FHIT: variants seen among roughly 807,000 people sequenced by gnomAD.
FHIT encodes bis(5'-adenosyl)-triphosphatase.
In FHIT, 19 loss-of-function variants were observed where a neutral mutation model predicts 17.9. The observed-to-expected ratio is 1.06, with a 90% confidence interval of 0.74 to 1.56. The LOEUF (loss-of-function observed/expected upper bound fraction) is 1.56, where lower values mean the gene tolerates loss of function less well. Among genes scored for constraint, FHIT ranks in the 40% most tolerant of loss-of-function variants. The pLI is 0.00. For missense variants in FHIT, 248 were observed against 189.2 expected, an observed-to-expected ratio of 1.31 and a Z score of -1.82; for synonymous variants, 81 against 69.7, an observed-to-expected ratio of 1.16 and a Z score of -0.81.
intron 4 of FHIT, among the ~76,000 whole-genome samples, chr3:60,731,038 G>A (rs182226728): frequency 1.3e-5 from 2 of 152,182 alleles, no homozygotes; most frequent in African/African-American, 2.4e-5. Flanking sequence ...GGCTGAGGCA[G>A]GAGAATTGCT....
At chr3:61,008,111 C>A (rs959638029) in intron 3 of FHIT, among the ~76,000 whole-genome samples, 1 of 152,230 alleles carries the variant, frequency 6.6e-6, no homozygotes, top group Non-Finnish European at 1.5e-5. Flanking sequence ...CACCTGCACA[C>A]CCATCTCCAG....
At chr3:60,812,274 T>A (rs782284423) in intron 4 of FHIT, among the ~76,000 whole-genome samples, 19 of 151,868 alleles carry the variant, frequency 1.3e-4, no homozygotes, top group Non-Finnish European at 2.6e-4. Flanking sequence ...GTGATTCTTT[T>A]GCCTCAGCCT....
chr3:61,092,178 G>A (rs2035507164), intron 2 of FHIT, among the ~76,000 whole-genome samples: 1 of 151,946 alleles, frequency 6.6e-6, no homozygotes, highest in Non-Finnish European at 1.5e-5. Context: ...CTTGGCCTGG[G>A]GAAGGCAAGG....
chr3:60,386,334 C>T (rs1052869721), intron 5 of FHIT, among the ~76,000 whole-genome samples: 3 of 152,116 alleles, frequency 2.0e-5, no homozygotes, highest in Non-Finnish European at 4.4e-5. Flanking sequence ...AATTACCTTT[C>T]CGGCAGCACA....
chr3:60,901,972 C>T (rs540641332), intron 3 of FHIT, among the ~76,000 whole-genome samples: 1 of 152,244 alleles, frequency 6.6e-6, no homozygotes, highest in South Asian at 2.1e-4. Context: ...GTATCCTCCT[C>T]TGTTAAGTAA....
intron 7 of FHIT, among the ~76,000 whole-genome samples, chr3:59,982,409 C>A (rs1429388917): frequency 6.6e-6 from 1 of 152,086 alleles, no homozygotes; most frequent in African/African-American, 2.4e-5. Context: ...TAAGCAGTAT[C>A]CAGAGGAAAT....
intron 7 of FHIT, among the ~76,000 whole-genome samples, chr3:60,005,988 T>A (rs920466421): frequency 1.3e-5 from 2 of 152,164 alleles, no homozygotes; most frequent in African/African-American, 4.8e-5. Context: ...TGCATCAGAA[T>A]CACTTGTGGT....
chr3:61,222,362 C>T (rs377219400), intron 1 of FHIT, among the ~76,000 whole-genome samples: 3 of 152,226 alleles, frequency 2.0e-5, no homozygotes, highest in Non-Finnish European at 2.9e-5. Context: ...GGGAGGTGGC[C>T]GGGTAAGGTG....
At chr3:59,943,437 A>G (rs1318249805) in intron 7 of FHIT, among the ~76,000 whole-genome samples, 1 of 152,204 alleles carries the variant, frequency 6.6e-6, no homozygotes, top group Non-Finnish European at 1.5e-5. Context: ...TACCTGCTTT[A>G]CTTGAAATGC....
At chr3:61,175,616 T>C (rs966791393) in intron 2 of FHIT, among the ~76,000 whole-genome samples, 1 of 152,136 alleles carries the variant, frequency 6.6e-6, no homozygotes, top group Non-Finnish European at 1.5e-5. Context: ...GATTAAGTCA[T>C]GAGGGCGAGG....
chr3:60,830,708 GCTAA>G (rs1488737179), intron 3 of FHIT, among the ~76,000 whole-genome samples: 1 of 152,062 alleles, frequency 6.6e-6, no homozygotes, highest in African/African-American at 2.4e-5. Context: ...GGCCTATCTG[GCTAA>G]CTATCGGGAA....
intron 5 of FHIT, among the ~76,000 whole-genome samples, chr3:60,179,500 C>G (rs1192109945): frequency 6.6e-6 from 1 of 152,144 alleles, no homozygotes; most frequent in Non-Finnish European, 1.5e-5. Flanking sequence ...GGAACTTGTT[C>G]CGTGACCTTC....
At chr3:60,628,776 A>T (rs997854245) in intron 4 of FHIT, among the ~76,000 whole-genome samples, 6 of 152,166 alleles carry the variant, frequency 3.9e-5, no homozygotes, top group African/African-American at 1.4e-4. Flanking sequence ...CATTCCCCCC[A>T]CTGTTTCAAA....
intron 5 of FHIT, among the ~76,000 whole-genome samples, chr3:60,393,095 C>T (rs978864917): frequency 6.6e-6 from 1 of 152,056 alleles, no homozygotes; most frequent in Admixed American, 6.6e-5. Context: ...GATTTGGCCC[C>T]TTCTGACTTT....
chr3:60,039,138 TTC>T (rs983603864), intron 5 of FHIT, among the ~76,000 whole-genome samples: 3 of 152,178 alleles, frequency 2.0e-5, no homozygotes, highest in Admixed American at 6.5e-5. Flanking sequence ...CTTAAGGTGT[TTC>T]CATGTGCTCT....
At chr3:60,910,152 T>A (rs921361942) in intron 3 of FHIT, among the ~76,000 whole-genome samples, 9 of 152,184 alleles carry the variant, frequency 5.9e-5, no homozygotes, top group African/African-American at 2.2e-4. Flanking sequence ...GAGATAGGAA[T>A]GTGACTCAAT....
intron 5 of FHIT, among the ~76,000 whole-genome samples, chr3:60,217,289 CAT>C (rs1438573410): frequency 2.6e-5 from 4 of 152,104 alleles, no homozygotes; most frequent in Non-Finnish European, 2.9e-5. Context: ...AGAACAAAAA[CAT>C]GTGTGTTAGA....
intron 4 of FHIT, among the ~76,000 whole-genome samples, chr3:60,795,502 TTTTTTG>T (rs1205337756): frequency 2.1e-4 from 24 of 116,724 alleles, no homozygotes; most frequent in Admixed American, 9.4e-4. Context: ...TTTTCCTTTG[TTTTTTG>T]TTTTTTTTTT....
At chr3:60,000,745 G>A (rs1036639554) in intron 7 of FHIT, among the ~76,000 whole-genome samples, 8 of 151,838 alleles carry the variant, frequency 5.3e-5, no homozygotes, top group Admixed American at 4.6e-4. Flanking sequence ...CCTCTGCCCT[G>A]AAATACACTC....
Sources: gnomAD v4.1 joint callset for allele counts (sites outside exome capture counted in the v4.1 genomes callset) on GRCh38, gnomAD v4.1.1 for gene constraint, MANE v1.5 for transcripts, NCBI Gene and HGNC (gene_info 2026-07-23, HGNC 2026-07-21) for gene names.